The following RHOBTB1 variants were observed in gnomAD, a reference collection of about 807,000 sequenced individuals.
RHOBTB1 encodes Rho related BTB domain containing 1.
In RHOBTB1, 40 loss-of-function variants were observed where a neutral mutation model predicts 71.6. The ratio of observed to expected loss-of-function variants is 0.56; its 90% CI spans 0.43 to 0.73. The LOEUF (loss-of-function observed/expected upper bound fraction) is 0.73, where lower values mean the gene tolerates loss of function less well. Among genes scored for constraint, RHOBTB1 ranks in the 30% least tolerant of loss-of-function variants. The pLI is 0.00. For synonymous variants in RHOBTB1, 319 were observed against 334.9 expected, an observed-to-expected ratio of 0.95 and a Z score of 0.52; for missense variants, 797 against 894.0, an observed-to-expected ratio of 0.89 and a Z score of 1.38.
intron 2 of RHOBTB1, among the ~76,000 whole-genome samples, chr10:60,962,489 T>A (rs2085816779): frequency 6.6e-6 from 1 of 152,202 alleles, no homozygotes; most frequent in South Asian, 2.1e-4. Context: ...AAATTGGATC[T>A]TATGTATAAA....
intron 2 of RHOBTB1, among the ~76,000 whole-genome samples, chr10:60,949,265 G>A (rs546661534): frequency 6.7e-4 from 102 of 152,126 alleles, no homozygotes; most frequent in Non-Finnish European, 1.3e-3. Flanking sequence ...TCCATCTAGG[G>A]TCCCTTCCCC....
chr10:60,941,761 A>T (rs1179979824), intron 2 of RHOBTB1, 43 bp downstream of exon 2: 1 of 152,598 alleles, frequency 6.6e-6, no homozygotes, highest in Non-Finnish European at 1.5e-5. Context: ...TAGACACAGG[A>T]TGTTACCAAT....
At chr10:60,900,895 T>TA (rs1246799912) in intron 4 of RHOBTB1, among the ~76,000 whole-genome samples, 1 of 152,198 alleles carries the variant, frequency 6.6e-6, no homozygotes, top group African/African-American at 2.4e-5. Context: ...TGAATTTCTC[T>TA]AAAAAATCTC....
chr10:60,915,100 T>C (rs1040280702), intron 2 of RHOBTB1, among the ~76,000 whole-genome samples: 1 of 152,224 alleles, frequency 6.6e-6, no homozygotes, highest in East Asian at 1.9e-4. Flanking sequence ...CAGCCAAGGA[T>C]GGAAACTCAT....
At chr10:60,919,093 A>C (rs145354581) in intron 2 of RHOBTB1, among the ~76,000 whole-genome samples, 105 of 152,302 alleles carry the variant, frequency 6.9e-4, no homozygotes, top group Middle Eastern at 3.4e-3. Flanking sequence ...CTGCTTAAAG[A>C]CAAAAATTGA....
Position 60,888,946 on chromosome 10 carries a change from G to A in RHOBTB1, c.722C>T (p.Pro241Leu), listed in dbSNP as rs751927663. Residue 241 changes from proline (P) to leucine (L), a missense_variant, in exon 6 of 11, where the codon CCG (proline) becomes CTG (leucine). Physicochemically the swap from Pro to Leu is moderately conservative, Grantham distance 98. This residue lies in a region of RHOBTB1 where 658 missense variants were observed against 681.5 expected (regional missense o/e 0.97). Coordinates refer to ENST00000337910, the MANE Select transcript of RHOBTB1 (RefSeq NM_014836.5). ...AGGACACTCTGGAATTTTGATGACC[G>A]GTGGAGGGGCTTTTGGAGGTAGGAA... ...APFLPPKAPP[P>L]VIKIPECPSM... is the part of the protein sequence containing the mutation. 2.6e-5 allele frequency: 42 copies of A among 1,614,060 alleles called. No individual in the cohort carries two copies. The highest frequency in any genetic ancestry group is 3.3e-5 in the Admixed American group (2 of 60,002).
intron 10 of RHOBTB1, chr10:60,871,896 C>T (rs2080805812): frequency 1.7e-6 from 1 of 603,398 alleles, no homozygotes; most frequent in African/African-American, 1.9e-5. Context: ...TAAGCCTGCT[C>T]CTAAGCTTGT....
chr10:60,947,880 TA>T (rs1336815605), upstream of RHOBTB1, among the ~76,000 whole-genome samples: 2 of 152,206 alleles, frequency 1.3e-5, no homozygotes, highest in African/African-American at 2.4e-5. Context: ...ATATGCTAAA[TA>T]AAAAACTGCT....
intron 6 of RHOBTB1, 56 bp downstream of exon 6, chr10:60,888,156 A>G: frequency 1.3e-6 from 2 of 1,550,246 alleles, no homozygotes; most frequent in Non-Finnish European, 1.7e-6. Context: ...TGTCTGGCTA[A>G]CGTTCAATGA....
intron 4 of RHOBTB1, among the ~76,000 whole-genome samples, chr10:60,902,146 C>T (rs558810587): frequency 2.6e-5 from 4 of 152,192 alleles, no homozygotes; most frequent in East Asian, 1.9e-4. Context: ...CAGTTCAGAG[C>T]GCGAAGGACA....
chr10:60,888,146 T>C (rs2081683886), intron 6 of RHOBTB1, 66 bp downstream of exon 6: 16 of 1,531,166 alleles, frequency 1.0e-5, no homozygotes, highest in South Asian at 3.8e-5. Flanking sequence ...CTCCTGCTCA[T>C]GTCTGGCTAA....
At chr10:60,961,353 T>A (rs908684229) in intron 2 of RHOBTB1, among the ~76,000 whole-genome samples, 1 of 152,174 alleles carries the variant, frequency 6.6e-6, no homozygotes, top group Admixed American at 6.5e-5. Flanking sequence ...GGATGTATTA[T>A]GTGACCTTGC....
intron 2 of RHOBTB1, among the ~76,000 whole-genome samples, chr10:60,969,710 T>A (rs920143839): frequency 6.6e-6 from 1 of 152,256 alleles, no homozygotes; most frequent in African/African-American, 2.4e-5. Flanking sequence ...AGGATCATCA[T>A]CTATGACCTT....
At position 60,997,303 on chromosome 10, in the gene RHOBTB1, T is replaced by C. The variant is rs138097417; in HGVS notation, c.-163+4096A>G. Among the ~76,000 whole-genome samples, 309 of 152,322 alleles carry C rather than the reference T, an allele frequency of 2.0e-3. 2 individuals carry two copies. The highest frequency in any genetic ancestry group is 7.0e-3 in the African/African-American group (293 of 41,566). On this transcript the variant is annotated intron_variant, in intron 1 of 11. Transcript: ENST00000357917. ...AAAATGAGATCTTCGGACCATTTGA[T>C]TGAGAAATCACCAAAGATATTTGTC...
At chr10:60,875,985 C>T (rs1279409255) in intron 8 of RHOBTB1, among the ~76,000 whole-genome samples, 2 of 152,202 alleles carry the variant, frequency 1.3e-5, no homozygotes, top group Non-Finnish European at 1.5e-5. Flanking sequence ...CCAAATCATG[C>T]TTACTTTCTG....
intron 1 of RHOBTB1, among the ~76,000 whole-genome samples, chr10:60,989,025 G>A (rs765321767): frequency 2.6e-5 from 4 of 152,192 alleles, no homozygotes; most frequent in Non-Finnish European, 1.5e-5. Flanking sequence ...AATATTCAAT[G>A]CTCTAAAAAT....
Position 60,925,695 on chromosome 10 carries a change from C to T in RHOBTB1, c.-10-14143G>A, listed in dbSNP as rs184343681. On this transcript the variant is annotated intron_variant, in intron 2 of 10. Transcript: ENST00000337910. ...CCAGACTAAGAAAAAAAAGAAGACCCGAATAAATAAAATCACATATAAAAA... is the reference window on the plus strand; with the variant it reads ...CCAGACTAAGAAAAAAAAGAAGACCTGAATAAATAAAATCACATATAAAAA... Among the ~76,000 whole-genome samples, 338 of 151,890 alleles carry T rather than the reference C, an allele frequency of 2.2e-3. 4 individuals are homozygous for T. Among genetic ancestry groups the T allele is most frequent in the Non-Finnish European group, 1.4e-3 (98 of 67,916 alleles).
At chr10:60,946,134 C>A (rs1209213622), upstream of RHOBTB1, among the ~76,000 whole-genome samples, 1 of 151,542 alleles carries the variant, frequency 6.6e-6, no homozygotes, top group African/African-American at 2.4e-5. Flanking sequence ...GCCGAGATCG[C>A]GCCACTGCAC....
At chr10:60,886,285 C>A (rs2081571193) in intron 6 of RHOBTB1, 55 bp from the exon 7 acceptor site, 1 of 1,333,466 alleles carries the variant, frequency 7.5e-7, no homozygotes, top group African/African-American at 1.4e-5. Context: ...AGAGCTTCAA[C>A]CAAGGCTTCT....
Sources: gnomAD v4.1 joint callset for allele counts (sites outside exome capture counted in the v4.1 genomes callset) on GRCh38, gnomAD v4.1.1 for gene constraint, gnomAD v4.1.1 regional missense constraint, MANE v1.5 for transcripts, NCBI Gene and HGNC (gene_info 2026-07-23, HGNC 2026-07-21) for gene names.